Variants in CD44 observed in about 807,000 individuals in gnomAD.
The protein encoded by CD44 is CD44 molecule (IN blood group).
A neutral mutation model predicts 88.8 loss-of-function variants in CD44; 49 were observed. The observed-to-expected ratio is 0.55, with a 90% CI of 0.44 to 0.70. The LOEUF (loss-of-function observed/expected upper bound fraction) is 0.70, where lower values mean the gene tolerates loss of function less well. CD44 is among the 30% of genes least tolerant of loss of function. The pLI is 0.00. For synonymous variants in CD44, 325 were observed against 312.3 expected, an observed-to-expected ratio of 1.04 and a Z score of -0.43; for missense variants, 883 against 913.8, an observed-to-expected ratio of 0.97 and a Z score of 0.43.
intron 9 of CD44, among the ~76,000 whole-genome samples, chr11:35,202,197 TAC>T (rs1311340469): frequency 6.6e-6 from 1 of 152,214 alleles, no homozygotes; most frequent in Non-Finnish European, 1.5e-5. Flanking sequence ...CTTTGATGAA[TAC>T]AGTGTCTTTT....
chr11:35,176,671 C>G lies in CD44; in HGVS notation c.164C>G (p.Ala55Gly), dbSNP rs1944500333. 1 of 1,614,162 alleles carries G rather than the reference C, an allele frequency of 6.2e-7. No homozygotes were observed. The highest frequency in any genetic ancestry group is 8.5e-7 in the Non-Finnish European group (1 of 1,179,964). ...SRTEAADLCK[A>G]FNSTLPTMAQ... ...ACGGAGGCCGCTGACCTCTGCAAGG[C>G]TTTCAATAGCACCTTGCCCACAATG... Residue 55 changes from alanine (A) to glycine (G), a missense_variant, in exon 2 of 18, where the codon GCT (alanine) becomes GGT (glycine). Physicochemically the swap from Ala to Gly is moderately conservative, Grantham distance 60 (BLOSUM62 0). Around this residue, in one of 2 missense-constraint regions of CD44, gnomAD observed 252 missense variants for 322.9 expected, o/e 0.78. Coordinates refer to ENST00000428726, the MANE Select transcript of CD44 (RefSeq NM_000610.4).
intron 1 of CD44, among the ~76,000 whole-genome samples, chr11:35,151,818 G>A (rs755954880): frequency 7.9e-5 from 12 of 152,142 alleles, no homozygotes; most frequent in Non-Finnish European, 1.5e-4. Flanking sequence ...TTGCCCAGAG[G>A]GCAGAGGTTA....
Position 35,139,251 on chromosome 11 carries a change from C to G in CD44, c.-53C>G. ...GTCCTCCGCCGGCCCCTGCCCCGCG[C>G]CCAGGGATCCTCCAGCTCCTTTCGC... On this transcript the variant is annotated 5_prime_UTR_variant, in exon 1 of 18. Transcript: ENST00000428726. The G allele has an allele frequency of 6.9e-7, 1 of 1,454,632 alleles. No individual in the cohort carries two copies. Among genetic ancestry groups the G allele is most frequent in the Non-Finnish European group, 9.4e-7 (1 of 1,058,888 alleles). 90.1% of individuals were successfully genotyped at this position (1,454,632 alleles called of 1,614,324 possible).
chr11:35,178,668 A>G (rs1944698230), intron 2 of CD44, among the ~76,000 whole-genome samples: 1 of 152,244 alleles, frequency 6.6e-6, no homozygotes. Flanking sequence ...TAAAACCGGT[A>G]GGCAACATGA....
intron 7 of CD44, among the ~76,000 whole-genome samples, chr11:35,199,231 C>A (rs1490301516): frequency 1.3e-5 from 2 of 152,080 alleles, no homozygotes; most frequent in African/African-American, 4.8e-5. Context: ...ATAATAGTAT[C>A]CAAATTTTTG....
intron 17 of CD44, among the ~76,000 whole-genome samples, chr11:35,228,086 C>T (rs1949833248): frequency 6.6e-6 from 1 of 152,204 alleles, no homozygotes; most frequent in Non-Finnish European, 1.5e-5. Flanking sequence ...TTTCCTTCCT[C>T]TAAGCATAGT....
chr11:35,198,278 A>T, intron 7 of CD44, 32 bp downstream of exon 7: 1 of 1,603,926 alleles, frequency 6.2e-7, no homozygotes, highest in Non-Finnish European at 8.5e-7. Flanking sequence ...ACAGCCATTT[A>T]TGCAAGGCTT....
chr11:35,185,586 CTCCATCCATCTA>C (rs1945584646), intron 3 of CD44, among the ~76,000 whole-genome samples: 1 of 127,110 alleles, frequency 7.9e-6, no homozygotes, highest in African/African-American at 3.0e-5. Context: ...CCCTCCCTCT[CTCCATCCATCTA>C]TCCATCCATC....
chr11:35,196,181 TC>T (rs1487774627), intron 5 of CD44, among the ~76,000 whole-genome samples: 1 of 152,192 alleles, frequency 6.6e-6, no homozygotes, highest in Non-Finnish European at 1.5e-5. Context: ...AATAATTTAA[TC>T]TCTTACACAA....
At chr11:35,147,028 G>T (rs576297462) in intron 1 of CD44, among the ~76,000 whole-genome samples, 11 of 152,316 alleles carry the variant, frequency 7.2e-5, no homozygotes, top group African/African-American at 2.6e-4. Context: ...GATAGGGTAG[G>T]GCTGAGAGGG....
At chr11:35,201,344 T>C (rs770301306) in intron 8 of CD44, 149 bp downstream of exon 8, 34 of 657,564 alleles carry the variant, frequency 5.2e-5, no homozygotes, top group Non-Finnish European at 7.0e-5. Context: ...CTTAATTCCA[T>C]TTAGGAGTCA....
rs117025552 is a variant in CD44, at chr11:35,153,702, C to T, written c.67+14332C>T. On this transcript the variant is annotated intron_variant, in intron 1 of 17. Coordinates refer to ENST00000428726, the MANE Select transcript of CD44 (RefSeq NM_000610.4). ...CTAATGATGCCTTTGTTTAATTACA[C>T]TTGTGGTAAGTGCTATGAAGGAGAA... Among the ~76,000 whole-genome samples, 1,118 of 152,306 alleles carry T rather than the reference C, an allele frequency of 7.3e-3. 8 individuals carry two copies. Among genetic ancestry groups the T allele is most frequent in the Non-Finnish European group, 0.011 (771 of 68,012 alleles).
rs1225144951 is a variant in CD44 at position 35,201,259 on chromosome 11, G to T, written c.1036+64G>T. 1.2e-5 allele frequency: 14 copies of T among 1,124,692 alleles called. No homozygotes were observed. The South Asian group carries it at 1.5e-4, about 12-fold the overall frequency. 69.7% of individuals were successfully genotyped at this position (1,124,692 alleles called of 1,614,324 possible). Reference sequence around the variant, plus strand: ...CCTCAAAGCCCATGATGCTGCAAAGGTCAATCATCGAGGCACAGTGGGAAA... The same window carrying T: ...CCTCAAAGCCCATGATGCTGCAAAGTTCAATCATCGAGGCACAGTGGGAAA... On this transcript the variant is annotated intron_variant, in intron 8 of 17. Coordinates refer to ENST00000428726, the MANE Select transcript of CD44 (RefSeq NM_000610.4).
Position 35,176,667 on chromosome 11 carries a change from A to G in CD44, c.160A>G (p.Lys54Glu), listed in dbSNP as rs150209357. ...TCGGACGGAGGCCGCTGACCTCTGC[A>G]AGGCTTTCAATAGCACCTTGCCCAC... is the stretch of plus-strand genomic sequence containing the variant. The part of the protein sequence containing the change: ...ISRTEAADLC[K>E]AFNSTLPTMA... Residue 54 changes from lysine to glutamate, a missense_variant, in exon 2 of 18, where the codon AAG becomes GAG. Lys to Glu is a moderately conservative substitution (Grantham distance 56). This residue lies in a region of CD44 where 252 missense variants were observed against 322.9 expected (regional missense o/e 0.78). Coordinates refer to ENST00000428726, the MANE Select transcript of CD44 (RefSeq NM_000610.4). 3.1e-6 allele frequency: 5 copies of G among 1,614,200 alleles called. No homozygotes were observed. The Admixed American group carries it at 6.7e-5, about 22-fold the overall frequency.
chr11:35,213,366 A>C (rs1948560602), intron 14 of CD44, among the ~76,000 whole-genome samples: 1 of 152,192 alleles, frequency 6.6e-6, no homozygotes, highest in African/African-American at 2.4e-5. Flanking sequence ...ATTTATGTCT[A>C]TACATTTTTC....
In CD44 at chr11:35,169,350, T is replaced by C. The variant is rs569309547; in HGVS notation, c.68-7225T>C. ...CTTGAAGATAATAATTTCTTGTAAT[T>C]CTTTACCTGGTTGTGTCACAGACTT... is the stretch of plus-strand genomic sequence containing the variant. On this transcript the variant is annotated intron_variant, in intron 1 of 17. Coordinates refer to ENST00000428726, the MANE Select transcript of CD44 (RefSeq NM_000610.4). Among the ~76,000 whole-genome samples, 6 of 152,124 alleles carry C rather than the reference T, an allele frequency of 3.9e-5. No individual in the cohort carries two copies. The East Asian group carries it at 1.2e-3, about 29-fold the overall frequency.
At chr11:35,216,051 G>A (rs900451605) in intron 15 of CD44, among the ~76,000 whole-genome samples, 13 of 151,562 alleles carry the variant, frequency 8.6e-5, no homozygotes, top group Non-Finnish European at 1.0e-4. Context: ...ACTTGGCAGA[G>A]TTGACAGGAC....
chr11:35,166,356 G>A (rs1943259908), intron 1 of CD44, among the ~76,000 whole-genome samples: 1 of 151,832 alleles, frequency 6.6e-6, no homozygotes, highest in South Asian at 2.1e-4. Flanking sequence ...ACTTTCTTTT[G>A]CCAGAAAGAC....
intron 7 of CD44, among the ~76,000 whole-genome samples, chr11:35,199,552 A>G (rs1947091901): frequency 6.6e-6 from 1 of 152,230 alleles, no homozygotes; most frequent in East Asian, 1.9e-4. Context: ...GAAAGGGTCC[A>G]GAAAAAAAAA....
Sources: gnomAD v4.1 joint callset for allele counts (sites outside exome capture counted in the v4.1 genomes callset) on GRCh38, gnomAD v4.1.1 for gene constraint, gnomAD v4.1.1 regional missense constraint, MANE v1.5 for transcripts, NCBI Gene and HGNC (gene_info 2026-07-23, HGNC 2026-07-21) for gene names.